KRR1: variants seen among roughly 807,000 people sequenced by gnomAD.
KRR1 encodes the protein KRR1 small subunit processome component, also known as KRR1 small subunit processome component homolog.
Under a neutral mutation model 50.0 loss-of-function variants are expected in KRR1, and 23 were observed. That is an observed-to-expected ratio of 0.46 (90% CI 0.33 to 0.65). The LOEUF (loss-of-function observed/expected upper bound fraction) is 0.65, where lower values mean the gene tolerates loss of function less well. KRR1 is among the 30% of genes least tolerant of loss of function. The probability of loss-of-function intolerance (pLI) is 0.02; values close to 1 mark genes in which losing one functional copy is unlikely to be tolerated. For missense variants in KRR1, 419 were observed against 442.4 expected, an observed-to-expected ratio of 0.95 and a Z score of 0.47; for synonymous variants, 133 against 146.3, an observed-to-expected ratio of 0.91 and a Z score of 0.66.
In KRR1 at chr12:75,499,748, G is replaced by T; in HGVS notation, c.*61C>A. On this transcript the variant is annotated 3_prime_UTR_variant, in exon 10 of 10. Coordinates refer to ENST00000229214, the MANE Select transcript of KRR1 (RefSeq NM_007043.7). ...ATTTCTCACAAATAAGGCAACTAATGCCTGATATCTCAAAATCCTTTACAA... is the reference window on the plus strand; with the variant it reads ...ATTTCTCACAAATAAGGCAACTAATTCCTGATATCTCAAAATCCTTTACAA... 6.0e-6 allele frequency: 8 copies of T among 1,333,182 alleles called. No homozygotes were observed. Among genetic ancestry groups the T allele is most frequent in the Non-Finnish European group, 8.1e-6 (8 of 989,192 alleles). The allele number at this position is 1,333,182 out of a possible 1,614,324, so 82.6% of individuals were successfully genotyped here.
At position 75,511,414 on chromosome 12, in the gene KRR1, A is replaced by C. The variant is rs2046448192; in HGVS notation, c.85+99T>G. 44 of 1,050,266 alleles carry C rather than the reference A, an allele frequency of 4.2e-5. No homozygotes were observed. The South Asian group carries it at 5.4e-4, about 13-fold the overall frequency. The allele number at this position is 1,050,266 out of a possible 1,614,324, so 65.1% of individuals were successfully genotyped here. A position where few individuals can be genotyped will look rare whatever the true frequency, so the allele number is the denominator to read the frequency against. On this transcript the variant is annotated intron_variant, in intron 1 of 9. Transcript: ENST00000229214. ...ATTCAGGTACTCAACTACACAGTAC[A>C]GGCTCCAGGTGGTTTTATAAGTCCA...
Position 75,492,105 on chromosome 12 carries a change from G to A in KRR1, c.*7704C>T, listed in dbSNP as rs1447383692. The A allele has an allele frequency of 1.6e-5, 1 of 61,324 alleles. No homozygotes were observed. The highest frequency in any genetic ancestry group is 3.7e-5 in the Non-Finnish European group (1 of 27,292). 3.8% of individuals were successfully genotyped at this position (61,324 alleles called of 1,614,324 possible). A position where few individuals can be genotyped will look rare whatever the true frequency, so the allele number is the denominator to read the frequency against. The stretch of plus-strand genomic sequence containing the variant: ...TTTCATGACTTTTTTTTTTTTTTTT[G>A]AGACAGGGTCTCTCACTCTGTCACC... On this transcript the variant is annotated 3_prime_UTR_variant, in exon 10 of 10. Transcript: ENST00000229214.
At chr12:75,502,999 G>T (rs1434677582) in intron 7 of KRR1, 3 of 152,018 alleles carry the variant, frequency 2.0e-5, no homozygotes, top group Non-Finnish European at 2.9e-5. Flanking sequence ...GGAAAAAAGA[G>T]ATGTAGAAAG....
intron 1 of KRR1, among the ~76,000 whole-genome samples, chr12:75,509,606 A>T (rs73183262): frequency 2.4e-4 from 28 of 115,814 alleles, no homozygotes; most frequent in Non-Finnish European, 3.8e-4. Context: ...TTTTTTTTTT[A>T]AAGACAGGGC....
In KRR1 at chr12:75,498,237, A is replaced by C. The variant is rs2046363713; in HGVS notation, c.*1572T>G. The C allele has an allele frequency of 6.6e-6, 1 of 152,622 alleles. No individual in the cohort carries two copies. Among genetic ancestry groups the C allele is most frequent in the South Asian group, 2.1e-4 (1 of 4,848 alleles). 9.5% of individuals were successfully genotyped at this position (152,622 alleles called of 1,614,324 possible). A position where few individuals can be genotyped will look rare whatever the true frequency, so the allele number is the denominator to read the frequency against. Reference sequence around the variant, plus strand: ...GACAGTAATTAATGACTTGATAGCCAAACATCGTAATGATGATTTAGTGAT... The same window carrying C: ...GACAGTAATTAATGACTTGATAGCCCAACATCGTAATGATGATTTAGTGAT... On this transcript the variant is annotated 3_prime_UTR_variant, in exon 10 of 10. Coordinates refer to ENST00000229214, the MANE Select transcript of KRR1 (RefSeq NM_007043.7).
At chr12:75,500,609 T>C (rs1300737168) in intron 9 of KRR1, 1 of 151,898 alleles carries the variant, frequency 6.6e-6, no homozygotes, top group South Asian at 2.1e-4. Flanking sequence ...AAGACAATAA[T>C]TTGAGAGTGT....
chr12:75,511,600 G>A lies in KRR1; in HGVS notation c.-3C>T, dbSNP rs200005228. 3.1e-6 allele frequency: 5 copies of A among 1,613,658 alleles called. No individual in the cohort carries two copies. Among genetic ancestry groups the A allele is most frequent in the South Asian group, 1.1e-5 (1 of 91,082 alleles). On this transcript the variant is annotated 5_prime_UTR_variant, in exon 1 of 10. Coordinates refer to ENST00000229214, the MANE Select transcript of KRR1 (RefSeq NM_007043.7). Reference sequence around the variant, plus strand: ...CGCTCCAGCGAGGGAGACGCCATTTGCAAGCTGCTTCCGGTGGCTCCGGAA... The same window carrying A: ...CGCTCCAGCGAGGGAGACGCCATTTACAAGCTGCTTCCGGTGGCTCCGGAA...
At position 75,503,958 on chromosome 12, in the gene KRR1, T is replaced by C. The variant is rs1308987691; in HGVS notation, c.777A>G (p.Lys259=). The change falls in exon 7 of 10, where the codon AAA becomes AAG. Residue 259 remains lysine, a synonymous_variant. Transcript: ENST00000229214. Reference sequence around the variant, plus strand: ...GCGTATATTCTTTCTTAACAGTTTTTTTCTTTGGTTCCTTGCGTTTATTCA... The same window carrying C: ...GCGTATATTCTTTCTTAACAGTTTTCTTCTTTGGTTCCTTGCGTTTATTCA... ...KNVNKRKEPK[K]KTVKKEYTPF... 1 of 1,612,358 alleles carries C rather than the reference T, an allele frequency of 6.2e-7. No homozygotes were observed. The highest frequency in any genetic ancestry group is 8.5e-7 in the Non-Finnish European group (1 of 1,178,788).
Position 75,495,498 on chromosome 12 carries a change from T to C in KRR1, c.*4311A>G, listed in dbSNP as rs2046344744. The C allele has an allele frequency of 1.4e-6, 1 of 735,082 alleles. No homozygotes were observed. The highest frequency in any genetic ancestry group is 2.5e-6 in the Non-Finnish European group (1 of 405,820). 45.5% of individuals were successfully genotyped at this position (735,082 alleles called of 1,614,324 possible). A position where few individuals can be genotyped will look rare whatever the true frequency, so the allele number is the denominator to read the frequency against. On this transcript the variant is annotated 3_prime_UTR_variant, in exon 10 of 10. Coordinates refer to ENST00000229214, the MANE Select transcript of KRR1 (RefSeq NM_007043.7). The stretch of plus-strand genomic sequence containing the variant: ...TACTTCACTCCACTATTCTTCTGGA[T>C]TTAGTTAAGGATTCATAGTAAATTG...
At chr12:75,507,883 T>C (rs1176887330) in intron 2 of KRR1, among the ~76,000 whole-genome samples, 3 of 152,072 alleles carry the variant, frequency 2.0e-5, no homozygotes, top group African/African-American at 7.2e-5. Context: ...AAGGAAAAGT[T>C]GGACACATCC....
chr12:75,491,956 G>A lies in KRR1; in HGVS notation c.*7853C>T, dbSNP rs1176554143. 1 of 152,108 alleles carries A rather than the reference G, an allele frequency of 6.6e-6. No homozygotes were observed. The highest frequency in any genetic ancestry group is 1.5e-5 in the Non-Finnish European group (1 of 68,026). 9.4% of individuals were successfully genotyped at this position (152,108 alleles called of 1,614,324 possible). ...CTCGATACTCTGACTGAGTGCTGTA[G>A]GTGTGAAGGAGGAGACAAAGCGTCA... On this transcript the variant is annotated 3_prime_UTR_variant, in exon 10 of 10. Coordinates refer to ENST00000229214, the MANE Select transcript of KRR1 (RefSeq NM_007043.7).
rs1290341898 is a variant in KRR1, at chr12:75,496,578, T to C, written c.*3231A>G. The C allele has an allele frequency of 1.3e-5, 2 of 150,956 alleles. No individual in the cohort carries two copies. The highest frequency in any genetic ancestry group is 6.6e-5 in the Admixed American group (1 of 15,120). 9.4% of individuals were successfully genotyped at this position (150,956 alleles called of 1,614,324 possible). ...ACCCTTCCATCCCAGTATGTTTTTT[T>C]ACCATGGTGTGAAGGGGAAACTTCA... On this transcript the variant is annotated 3_prime_UTR_variant, in exon 10 of 10. Coordinates refer to ENST00000229214, the MANE Select transcript of KRR1 (RefSeq NM_007043.7).
At position 75,497,078 on chromosome 12, in the gene KRR1, G is replaced by C. The variant is rs558476684; in HGVS notation, c.*2731C>G. 2.0e-5 allele frequency: 3 copies of C among 152,192 alleles called. No homozygotes were observed. The South Asian group carries it at 6.2e-4, about 32-fold the overall frequency. 9.4% of individuals were successfully genotyped at this position (152,192 alleles called of 1,614,324 possible). On this transcript the variant is annotated 3_prime_UTR_variant, in exon 10 of 10. Transcript: ENST00000229214. ...CTTCCAAATTAACCAGTATACATAA[G>C]GGCTAAAACTATGGATTTCAGAACC...
In KRR1 at chr12:75,496,009, G is replaced by GTTT. The variant is rs67599616; in HGVS notation, c.*3797_*3799dup. On this transcript the variant is annotated 3_prime_UTR_variant, in exon 10 of 10. Transcript: ENST00000229214. ...GAATTCTGTTTTCGTTTTTTTTTTT[G>GTTT]TTTTTTTTTTTTGAGACAGAGTCTT... The GTTT allele has an allele frequency of 1.8e-4, 25 of 139,600 alleles. No homozygotes were observed. The highest frequency in any genetic ancestry group is 3.9e-4 in the South Asian group (2 of 5,186). 8.6% of individuals were successfully genotyped at this position (139,600 alleles called of 1,614,324 possible). A position where few individuals can be genotyped will look rare whatever the true frequency, so the allele number is the denominator to read the frequency against.
Position 75,495,602 on chromosome 12 carries a change from A to T in KRR1, c.*4207T>A. The T allele has an allele frequency of 6.2e-7, 1 of 1,609,898 alleles. No individual in the cohort carries two copies. The highest frequency in any genetic ancestry group is 8.5e-7 in the Non-Finnish European group (1 of 1,176,222). On this transcript the variant is annotated 3_prime_UTR_variant, in exon 10 of 10. Coordinates refer to ENST00000229214, the MANE Select transcript of KRR1 (RefSeq NM_007043.7). The stretch of plus-strand genomic sequence containing the variant: ...AGGGAATTACCCAACTTGGCCATAT[A>T]AGAGAGGAGCCACCTGCAGTGCCTG...
Position 75,491,000 on chromosome 12 carries a change from CAG to C in KRR1, c.*8807_*8808del, listed in dbSNP as rs2046320691. 1 of 152,658 alleles carries C rather than the reference CAG, an allele frequency of 6.6e-6. No individual in the cohort carries two copies. The highest frequency in any genetic ancestry group is 6.5e-5 in the Admixed American group (1 of 15,386). The allele number at this position is 152,658 out of a possible 1,614,324, so 9.5% of individuals were successfully genotyped here. On this transcript the variant is annotated 3_prime_UTR_variant, in exon 10 of 10. Transcript: ENST00000229214. ...CAGATATAGTTCCCACTTTGGGAAA[CAG>C]GGCAAACACCTTCCTCCTACTTTCT...
Position 75,503,991 on chromosome 12 carries a change from G to C in KRR1, c.744C>G (p.His248Gln). ...SWERFLPQFK[H>Q]KNVNKRKEPK... is the part of the protein sequence containing the mutation. ...GTTCCTTGCGTTTATTCACATTTTTGTGTTTGAACTGTGGCAAAAATCTCT... is the reference window on the plus strand; with the variant it reads ...GTTCCTTGCGTTTATTCACATTTTTCTGTTTGAACTGTGGCAAAAATCTCT... Residue 248 changes from histidine to glutamine, a missense_variant, in exon 7 of 10, where the codon CAC (histidine) becomes CAG (glutamine). By Grantham distance (24) the His-to-Gln change is conservative (BLOSUM62 0). Coordinates refer to ENST00000229214, the MANE Select transcript of KRR1 (RefSeq NM_007043.7). 1 of 1,612,030 alleles carries C rather than the reference G, an allele frequency of 6.2e-7. No homozygotes were observed. The highest frequency in any genetic ancestry group is 1.1e-5 in the South Asian group (1 of 90,932).
rs188755117 is a variant in KRR1, at chr12:75,500,107, A to G, written c.1004-156T>C. The G allele has an allele frequency of 7.5e-6, 4 of 534,474 alleles. No individual in the cohort carries two copies. In the African/African-American group the frequency reaches 8.0e-5, roughly 11 times the overall value. 33.1% of individuals were successfully genotyped at this position (534,474 alleles called of 1,614,324 possible). A position where few individuals can be genotyped will look rare whatever the true frequency, so the allele number is the denominator to read the frequency against. ...AAGGTGATCACAGTATAAAATATAA[A>G]AACACTTGCCTAAAGCAGTTAGAAA... On this transcript the variant is annotated intron_variant, in intron 9 of 9. Transcript: ENST00000229214.
chr12:75,506,280 G>A (rs1594069306), intron 5 of KRR1, 36 bp downstream of exon 5: 2 of 1,283,418 alleles, frequency 1.6e-6, no homozygotes, highest in Non-Finnish European at 2.2e-6. Context: ...TTTGTTCTCT[G>A]CTGAAAATGA....
Sources: allele counts gnomAD v4.1 joint callset (sites outside exome capture counted in the v4.1 genomes callset), GRCh38; gene constraint gnomAD v4.1.1; transcripts MANE v1.5; gene names NCBI Gene and HGNC (gene_info 2026-07-23, HGNC 2026-07-21).